MYO16: variants seen among roughly 807,000 people sequenced by gnomAD.
MYO16 encodes myosin XVI, also known as unconventional myosin-XVI.
Under a neutral mutation model 205.3 loss-of-function variants are expected in MYO16, and 94 were observed. The ratio of observed to expected loss-of-function variants is 0.46; its 90% CI spans 0.39 to 0.54. The LOEUF is 0.54. MYO16 is among the 20% of genes least tolerant of loss of function. MYO16 has a pLI of 0.00. For missense variants in MYO16, 2,315 were observed against 2,387.5 expected, an observed-to-expected ratio of 0.97 and a Z score of 0.63; for synonymous variants, 988 against 954.0, an observed-to-expected ratio of 1.04 and a Z score of -0.66.
At chr13:108,597,166 C>T (rs1253014003) in intron 1 of MYO16, among the ~76,000 whole-genome samples, 1 of 152,128 alleles carries the variant, frequency 6.6e-6, no homozygotes, top group Non-Finnish European at 1.5e-5. Context: ...TGCGTTATTT[C>T]ACTACATGCT....
intron 4 of MYO16, among the ~76,000 whole-genome samples, chr13:108,772,913 G>T (rs1398542179): frequency 6.6e-6 from 1 of 152,102 alleles, no homozygotes; most frequent in African/African-American, 2.4e-5. Flanking sequence ...GTCTTAGTCT[G>T]TTTGGGCTGT....
At chr13:109,180,295 A>G (rs1202949688) in intron 34 of MYO16, among the ~76,000 whole-genome samples, 1 of 152,246 alleles carries the variant, frequency 6.6e-6, no homozygotes, top group African/African-American at 2.4e-5. Flanking sequence ...GAAAGAATTT[A>G]TATTATAGAA....
chr13:108,881,298 A>G (rs1448118676), intron 12 of MYO16, among the ~76,000 whole-genome samples: 1 of 152,240 alleles, frequency 6.6e-6, no homozygotes, highest in Non-Finnish European at 1.5e-5. Flanking sequence ...CATCACTATC[A>G]TCAATGACCA....
At chr13:108,656,098 G>A (rs1339729541) in intron 1 of MYO16, among the ~76,000 whole-genome samples, 1 of 152,052 alleles carries the variant, frequency 6.6e-6, no homozygotes, top group African/African-American at 2.4e-5. Flanking sequence ...ATTTGGAGGG[G>A]CTAGGGGCAG....
In MYO16 at chr13:108,906,645, G is replaced by A. The variant is rs563564265; in HGVS notation, c.1778-3358G>A. Among the ~76,000 whole-genome samples the A allele has an allele frequency of 5.3e-5, 8 of 152,252 alleles. No homozygotes were observed. In the South Asian group the frequency reaches 1.2e-3, roughly 24 times the overall value. The stretch of plus-strand genomic sequence containing the variant: ...TGGGCTTAGGAGACAAGACAGTTGG[G>A]CTTAAATGTGAAAAGGCCTGCAACA... On this transcript the variant is annotated intron_variant, in intron 15 of 34. Transcript: ENST00000457511.
At chr13:108,580,077 T>C in the MYO16 span, among the ~76,000 whole-genome samples, 1 of 152,210 alleles carries the variant, frequency 6.6e-6, no homozygotes, top group African/African-American at 2.4e-5. Context: ...TGTTTGATAC[T>C]TAAAAATATA....
At chr13:109,026,021 T>C (rs1886350054) in intron 23 of MYO16, among the ~76,000 whole-genome samples, 1 of 152,202 alleles carries the variant, frequency 6.6e-6, no homozygotes, top group African/African-American at 2.4e-5. Flanking sequence ...TCTTTGGATC[T>C]CAGATAAGCA....
At chr13:108,628,333 T>C (rs2139348620), upstream of MYO16, among the ~76,000 whole-genome samples, 1 of 152,322 alleles carries the variant, frequency 6.6e-6, no homozygotes, top group South Asian at 2.1e-4. Flanking sequence ...AGTTAAAGCG[T>C]CCATAATCAT....
chr13:108,814,475 A>G (rs1166218755), intron 7 of MYO16, among the ~76,000 whole-genome samples: 1 of 152,018 alleles, frequency 6.6e-6, no homozygotes, highest in African/African-American at 2.4e-5. Context: ...TATGATATAA[A>G]AGCAAGAAAA....
At chr13:108,600,454 T>G (rs949348526) in intron 1 of MYO16, among the ~76,000 whole-genome samples, 2 of 152,228 alleles carry the variant, frequency 1.3e-5, no homozygotes, top group African/African-American at 4.8e-5. Context: ...AACTTTCCTT[T>G]GTTAACATTG....
chr13:108,541,793 T>C, the MYO16 span, among the ~76,000 whole-genome samples: 1 of 152,092 alleles, frequency 6.6e-6, no homozygotes, highest in South Asian at 2.1e-4. Context: ...ATGGCTGTTA[T>C]TAAAAAGTCA....
chr13:108,883,137 G>C lies in MYO16; in HGVS notation c.1504G>C (p.Ala502Pro). 2 of 1,614,030 alleles carry C rather than the reference G, an allele frequency of 1.2e-6. No homozygotes were observed. Among genetic ancestry groups the C allele is most frequent in the Non-Finnish European group, 1.7e-6 (2 of 1,179,958 alleles). ...TCACCTCTTCTCCTGTGTGGAGAGA[G>C]CCTTTCACCAGCTCTTCCGGGAACA... ...PPHLFSCVERAFHQLFREQRP... is the reference protein window; with the variant it reads ...PPHLFSCVERPFHQLFREQRP... Residue 502 changes from alanine (A) to proline (P), a missense_variant, in exon 13 of 35, where the codon GCC becomes CCC. Coordinates refer to ENST00000457511, the MANE Select transcript of MYO16 (RefSeq NM_001198950.3).
chr13:108,816,354 A>G (rs1425764855), intron 7 of MYO16, among the ~76,000 whole-genome samples: 1 of 152,162 alleles, frequency 6.6e-6, no homozygotes, highest in Non-Finnish European at 1.5e-5. Flanking sequence ...TAAACTTGAA[A>G]AATTAAAAGA....
At chr13:109,056,322 G>T (rs1887417925) in intron 27 of MYO16, among the ~76,000 whole-genome samples, 1 of 152,074 alleles carries the variant, frequency 6.6e-6, no homozygotes. Context: ...CCAGCCATTT[G>T]CAAGAAGCAC....
At chr13:109,170,991 T>A (rs1878901110) in intron 33 of MYO16, among the ~76,000 whole-genome samples, 1 of 152,192 alleles carries the variant, frequency 6.6e-6, no homozygotes, top group East Asian at 1.9e-4. Context: ...GGAAAATTAT[T>A]TCAATTGGAA....
intron 8 of MYO16, among the ~76,000 whole-genome samples, chr13:108,821,477 C>T (rs1875967417): frequency 2.0e-5 from 3 of 152,054 alleles, no homozygotes; most frequent in Non-Finnish European, 2.9e-5. Context: ...TGATAAATAT[C>T]AAAAGAACAA....
chr13:108,590,219 G>A, the MYO16 span, among the ~76,000 whole-genome samples: 1 of 152,186 alleles, frequency 6.6e-6, no homozygotes, highest in African/African-American at 2.4e-5. Context: ...CCATTTGGAA[G>A]TACTACACAT....
intron 2 of MYO16, among the ~76,000 whole-genome samples, chr13:108,703,272 A>G (rs1883379290): frequency 6.6e-6 from 1 of 152,200 alleles, no homozygotes; most frequent in African/African-American, 2.4e-5. Flanking sequence ...GCTAGAATAC[A>G]TATGTAAATA....
intron 34 of MYO16, among the ~76,000 whole-genome samples, chr13:109,187,307 T>G (rs994823815): frequency 1.3e-5 from 2 of 152,214 alleles, no homozygotes; most frequent in South Asian, 4.1e-4. Flanking sequence ...AGTCTATCAA[T>G]TCTATTGATT....
Sources: allele counts gnomAD v4.1 joint callset (sites outside exome capture counted in the v4.1 genomes callset), GRCh38; gene constraint gnomAD v4.1.1; transcripts MANE v1.5; gene names NCBI Gene and HGNC (gene_info 2026-07-23, HGNC 2026-07-21).